Variants in NCDN observed in about 807,000 individuals in gnomAD.
The protein encoded by NCDN is norbin.
Under a neutral mutation model 60.7 loss-of-function variants are expected in NCDN, and 9 were observed. The ratio of observed to expected loss-of-function variants is 0.15; its 90% CI spans 0.09 to 0.26. NCDN has a LOEUF of 0.26. Ranked by LOEUF, NCDN falls within the 10% of genes least tolerant of loss-of-function variation. The probability of loss-of-function intolerance (pLI) is 1.00; values close to 1 mark genes in which losing one functional copy is unlikely to be tolerated. For missense variants in NCDN, 578 were observed against 975.2 expected, an observed-to-expected ratio of 0.59 and a Z score of 5.42; for synonymous variants, 409 against 442.5, an observed-to-expected ratio of 0.92 and a Z score of 0.95.
chr1:35,561,276 T>C lies in NCDN; in HGVS notation c.1125T>C (p.Val375=), dbSNP rs1235163809. The C allele has an allele frequency of 3.1e-6, 5 of 1,596,992 alleles. No individual in the cohort carries two copies. Among genetic ancestry groups the C allele is most frequent in the Non-Finnish European group, 4.3e-6 (5 of 1,173,848 alleles). ...VSVMKEAIGA[V]IHYLLQVGSE... Reference sequence around the variant, plus strand: ...TCATGAAGGAGGCCATAGGGGCTGTTATCCACTACCTGCTGCAGGTGAGGG... The same window carrying C: ...TCATGAAGGAGGCCATAGGGGCTGTCATCCACTACCTGCTGCAGGTGAGGG... The change falls in exon 3 of 7, where the codon GTT becomes GTC. Residue 375 remains valine (V), a synonymous_variant. Coordinates refer to ENST00000373243, the MANE Select transcript of NCDN (RefSeq NM_014284.3). This position sits in a 1 kb window ranked among gnomAD's most constrained non-coding sequence, Gnocchi z 4.9.
In NCDN at chr1:35,563,578, C is replaced by T. The variant is rs906704794; in HGVS notation, c.1610+152C>T. 7 of 1,054,516 alleles carry T rather than the reference C, an allele frequency of 6.6e-6. No individual in the cohort carries two copies. In the Admixed American group the frequency reaches 1.2e-4, roughly 17 times the overall value. 65.3% of individuals were successfully genotyped at this position (1,054,516 alleles called of 1,614,324 possible). A position where few individuals can be genotyped will look rare whatever the true frequency, so the allele number is the denominator to read the frequency against. ...CTCAGAGTAGACATAGCCAGCCCCG[C>T]ACAAGGATTCGGCATGCTGGAACCC... On this transcript the variant is annotated intron_variant, in intron 5 of 6. Transcript: ENST00000373243. The surrounding 1 kb of genome is among the most constrained non-coding windows in gnomAD (Gnocchi z 6.6).
In NCDN at chr1:35,563,628, C is replaced by G; in HGVS notation, c.1611-139C>G. The G allele has an allele frequency of 8.8e-7, 1 of 1,138,800 alleles. No homozygotes were observed. Among genetic ancestry groups the G allele is most frequent in the Non-Finnish European group, 1.3e-6 (1 of 791,574 alleles). The allele number at this position is 1,138,800 out of a possible 1,614,324, so 70.5% of individuals were successfully genotyped here. A position where few individuals can be genotyped will look rare whatever the true frequency, so the allele number is the denominator to read the frequency against. On this transcript the variant is annotated intron_variant, in intron 5 of 6. Coordinates refer to ENST00000373243, the MANE Select transcript of NCDN (RefSeq NM_014284.3). The surrounding 1 kb of genome is among the most constrained non-coding windows in gnomAD (Gnocchi z 6.6). ...CCCAGGTACTGTCTCAGCATGTCTG[C>G]TTGTTCCAATCTCTGCCCCCCAGAT...
Position 35,560,908 on chromosome 1 carries a change from G to C in NCDN, c.757G>C (p.Val253Leu), listed in dbSNP as rs138767615. Reference sequence around the variant, plus strand: ...GCCCCTCTTTTTGCCCCCGACAACCGTGCCCCCTGAATGCTACCGGGATCT... The same window carrying C: ...GCCCCTCTTTTTGCCCCCGACAACCCTGCCCCCTGAATGCTACCGGGATCT... The part of the protein sequence containing the change: ...LLPLFLPPTT[V>L]PPECYRDLQA... The change falls in exon 3 of 7, where the codon GTG becomes CTG. Residue 253 changes from valine (V) to leucine (L), a missense_variant. Around this residue, in one of 3 missense-constraint regions of NCDN, gnomAD observed 363 missense variants for 583.6 expected, o/e 0.62. Coordinates refer to ENST00000373243, the MANE Select transcript of NCDN (RefSeq NM_014284.3). This position sits in a 1 kb window ranked among gnomAD's most constrained non-coding sequence, Gnocchi z 7.6. The C allele has an allele frequency of 7.5e-5, 121 of 1,614,016 alleles. No individual in the cohort carries two copies. Among genetic ancestry groups the C allele is most frequent in the Non-Finnish European group, 9.6e-5 (113 of 1,180,018 alleles).
chr1:35,558,987 A>C lies in NCDN; in HGVS notation c.34-120A>C. On this transcript the variant is annotated intron_variant, in intron 1 of 6. Coordinates refer to ENST00000373243, the MANE Select transcript of NCDN (RefSeq NM_014284.3). The surrounding 1 kb of genome is among the most constrained non-coding windows in gnomAD (Gnocchi z 6.3). ...TCAGTCCTGAGGAGTCCACCCCTCC[A>C]GATTCTCTCCTCCCCTCCCTCTGTG... 1.7e-4 allele frequency: 160 copies of C among 943,638 alleles called. No individual in the cohort carries two copies. The highest frequency in any genetic ancestry group is 6.7e-4 in the East Asian group (20 of 29,982). 58.5% of individuals were successfully genotyped at this position (943,638 alleles called of 1,614,324 possible). A position where few individuals can be genotyped will look rare whatever the true frequency, so the allele number is the denominator to read the frequency against.
rs1648690911 is a variant in NCDN, at chr1:35,561,127, G to C, written c.976G>C (p.Gly326Arg). The C allele has an allele frequency of 6.2e-7, 1 of 1,612,662 alleles. No homozygotes were observed. The highest frequency in any genetic ancestry group is 1.7e-5 in the Admixed American group (1 of 59,738). Residue 326 changes from glycine (G) to arginine (R), a missense_variant, in exon 3 of 7, where the codon GGC becomes CGC. Transcript: ENST00000373243. This position sits in a 1 kb window ranked among gnomAD's most constrained non-coding sequence, Gnocchi z 4.9. The stretch of plus-strand genomic sequence containing the variant: ...AGTGCGGCTGGCACTGGAGGAGACG[G>C]GCACGGAGGTGAAAGAGGATGTGGT... ...VEVRLALEET[G>R]TEVKEDVVTA...
In NCDN at chr1:35,565,205, C is replaced by A; in HGVS notation, c.1754-22C>A. 6.3e-7 allele frequency: 1 copy of A among 1,581,676 alleles called. No homozygotes were observed. On this transcript the variant is annotated intron_variant, in intron 6 of 6. Coordinates refer to ENST00000373243, the MANE Select transcript of NCDN (RefSeq NM_014284.3). This position sits in a 1 kb window ranked among gnomAD's most constrained non-coding sequence, Gnocchi z 8.9. ...CAGCTGGCCTGTCCGATTCATGCCC[C>A]ACTCCTTCCGTTACCTTGCAGCTCT...
rs1363495505 is a variant in NCDN at position 35,561,010 on chromosome 1, C to T, written c.859C>T (p.Arg287Cys). 6.8e-6 allele frequency: 11 copies of T among 1,612,584 alleles called. No individual in the cohort carries two copies. The highest frequency in any genetic ancestry group is 8.5e-6 in the Non-Finnish European group (10 of 1,179,158). ...CAACCCTGCACTGAAGCTGGCAGCCCGCCTGGCACACGCCTGCGGCTCCGA... is the reference window on the plus strand; with the variant it reads ...CAACCCTGCACTGAAGCTGGCAGCCTGCCTGGCACACGCCTGCGGCTCCGA... ...QRNPALKLAA[R>C]LAHACGSDWI... Residue 287 changes from arginine (R) to cysteine (C), a missense_variant, in exon 3 of 7, where the codon CGC (arginine) becomes TGC (cysteine). Around this residue, in one of 3 missense-constraint regions of NCDN, gnomAD observed 363 missense variants for 583.6 expected, o/e 0.62. Coordinates refer to ENST00000373243, the MANE Select transcript of NCDN (RefSeq NM_014284.3). The surrounding 1 kb of genome is among the most constrained non-coding windows in gnomAD (Gnocchi z 4.9).
chr1:35,565,070 TCA>T lies in NCDN; in HGVS notation c.1754-152_1754-151del. The T allele has an allele frequency of 1.4e-6, 1 of 696,666 alleles. No individual in the cohort carries two copies. Among genetic ancestry groups the T allele is most frequent in the Non-Finnish European group, 2.4e-6 (1 of 419,834 alleles). 43.2% of individuals were successfully genotyped at this position (696,666 alleles called of 1,614,324 possible). On this transcript the variant is annotated intron_variant, in intron 6 of 6. Transcript: ENST00000373243. The surrounding 1 kb of genome is among the most constrained non-coding windows in gnomAD (Gnocchi z 8.9). ...ACCCAGAAAAGTTAATTACCCAAGG[TCA>T]CACAGTGAGCATCTAAGGCAGGGTT...
In NCDN at chr1:35,557,823, G is replaced by C. The variant is rs114784860; in HGVS notation, c.-368G>C. 0.047 allele frequency: 25,187 copies of C among 534,420 alleles called. 760 individuals carry two copies. The highest frequency in any genetic ancestry group is 0.06 in the Middle Eastern group (173 of 2,898). The allele number at this position is 534,420 out of a possible 1,614,324, so 33.1% of individuals were successfully genotyped here. A position where few individuals can be genotyped will look rare whatever the true frequency, so the allele number is the denominator to read the frequency against. ...GAGTGGGCAACGCGGCGTGAGCAGCGGCCCGAGGCTCCCGGAGCATCGCGC... is the reference window on the plus strand; with the variant it reads ...GAGTGGGCAACGCGGCGTGAGCAGCCGCCCGAGGCTCCCGGAGCATCGCGC... On this transcript the variant is annotated 5_prime_UTR_variant, in exon 1 of 7. Transcript: ENST00000373243.
rs1333502826 is a variant in NCDN, at chr1:35,561,264, C to A, written c.1113C>A (p.Ala371=). Residue 371 remains alanine (A), a synonymous_variant, in exon 3 of 7, where the codon GCC becomes GCA. Coordinates refer to ENST00000373243, the MANE Select transcript of NCDN (RefSeq NM_014284.3). This position sits in a 1 kb window ranked among gnomAD's most constrained non-coding sequence, Gnocchi z 4.9. Reference sequence around the variant, plus strand: ...AGCTCGTGAGCGTCATGAAGGAGGCCATAGGGGCTGTTATCCACTACCTGC... The same window carrying A: ...AGCTCGTGAGCGTCATGAAGGAGGCAATAGGGGCTGTTATCCACTACCTGC... ...KVQLVSVMKE[A]IGAVIHYLLQ... The A allele has an allele frequency of 2.5e-6, 4 of 1,604,564 alleles. No individual in the cohort carries two copies. The highest frequency in any genetic ancestry group is 2.5e-6 in the Non-Finnish European group (3 of 1,177,320).
Position 35,558,364 on chromosome 1 carries a change from C to T in NCDN, c.33+141C>T. The T allele has an allele frequency of 6.5e-7, 1 of 1,531,032 alleles. No individual in the cohort carries two copies. Among genetic ancestry groups the T allele is most frequent in the Admixed American group, 1.9e-5 (1 of 52,324 alleles). 94.8% of individuals were successfully genotyped at this position (1,531,032 alleles called of 1,614,324 possible). A position where few individuals can be genotyped will look rare whatever the true frequency, so the allele number is the denominator to read the frequency against. ...TGCTTCTCCAGCCCCTGCCGGCATCCACAGGCTGGTAGCGGGACGGGGAGG... is the reference window on the plus strand; with the variant it reads ...TGCTTCTCCAGCCCCTGCCGGCATCTACAGGCTGGTAGCGGGACGGGGAGG... On this transcript the variant is annotated intron_variant, in intron 1 of 6. Transcript: ENST00000373243. This position sits in a 1 kb window ranked among gnomAD's most constrained non-coding sequence, Gnocchi z 6.3.
In NCDN at chr1:35,562,461, G is replaced by A. The variant is rs1223558987; in HGVS notation, c.1213G>A (p.Glu405Lys). 5.0e-6 allele frequency: 8 copies of A among 1,614,126 alleles called. No homozygotes were observed. The highest frequency in any genetic ancestry group is 6.8e-6 in the Non-Finnish European group (8 of 1,180,008). ...SVRILGAWLA[E>K]ETSSLRKEVC... ...GCGGATCCTGGGTGCCTGGCTGGCC[G>A]AGGAGACCTCATCCTTGCGTAAGGA... Residue 405 changes from glutamate (E) to lysine (K), a missense_variant, in exon 4 of 7, where the codon GAG becomes AAG. Transcript: ENST00000373243. This position sits in a 1 kb window ranked among gnomAD's most constrained non-coding sequence, Gnocchi z 6.8.
In NCDN at chr1:35,558,470, G is replaced by A; in HGVS notation, c.33+247G>A. ...GCTGCTGCAGCCTCTACCCGAGGGA[G>A]GGAAAGGAGAGGAGGCAAGGAGCCT... On this transcript the variant is annotated intron_variant, in intron 1 of 6. Coordinates refer to ENST00000373243, the MANE Select transcript of NCDN (RefSeq NM_014284.3). This position sits in a 1 kb window ranked among gnomAD's most constrained non-coding sequence, Gnocchi z 6.3. 1 of 1,419,062 alleles carries A rather than the reference G, an allele frequency of 7.0e-7. No individual in the cohort carries two copies. Among genetic ancestry groups the A allele is most frequent in the Non-Finnish European group, 9.2e-7 (1 of 1,090,234 alleles). The allele number at this position is 1,419,062 out of a possible 1,614,324, so 87.9% of individuals were successfully genotyped here.
rs1648501356 is a variant in NCDN, at chr1:35,558,475, AG to A, written c.33+254del. Reference sequence around the variant, plus strand: ...TGCAGCCTCTACCCGAGGGAGGGAAAGGAGAGGAGGCAAGGAGCCTGCGGGG... The same window carrying A: ...TGCAGCCTCTACCCGAGGGAGGGAAAGAGAGGAGGCAAGGAGCCTGCGGGG... On this transcript the variant is annotated intron_variant, in intron 1 of 6. Transcript: ENST00000373243. The surrounding 1 kb of genome is among the most constrained non-coding windows in gnomAD (Gnocchi z 6.3). 1 of 1,412,828 alleles carries A rather than the reference AG, an allele frequency of 7.1e-7. No individual in the cohort carries two copies. The highest frequency in any genetic ancestry group is 2.9e-5 in the Admixed American group (1 of 34,072). The allele number at this position is 1,412,828 out of a possible 1,614,324, so 87.5% of individuals were successfully genotyped here.
chr1:35,562,349 G>T lies in NCDN; in HGVS notation c.1144-43G>T. The T allele has an allele frequency of 2.5e-6, 4 of 1,597,828 alleles. No homozygotes were observed. The highest frequency in any genetic ancestry group is 3.4e-6 in the Non-Finnish European group (4 of 1,169,998). On this transcript the variant is annotated intron_variant, in intron 3 of 6. Coordinates refer to ENST00000373243, the MANE Select transcript of NCDN (RefSeq NM_014284.3). This position sits in a 1 kb window ranked among gnomAD's most constrained non-coding sequence, Gnocchi z 6.8. ...GCTGGCCTCTGGCAAGGCAGGGAGG[G>T]TCCCTGGTCCTGCTCCATCTCAAGG...
At chr1:35,564,470 T>C (rs1006948288) in intron 6 of NCDN, among the ~76,000 whole-genome samples, 12 of 152,246 alleles carry the variant, frequency 7.9e-5, no homozygotes, top group African/African-American at 2.7e-4. Context: ...TGTCCCTGCC[T>C]GTTCCCTGTG....
chr1:35,563,087 G>A lies in NCDN; in HGVS notation c.1386-115G>A, dbSNP rs1317202075. 2 of 974,040 alleles carry A rather than the reference G, an allele frequency of 2.1e-6. No individual in the cohort carries two copies. Among genetic ancestry groups the A allele is most frequent in the Non-Finnish European group, 1.5e-6 (1 of 674,192 alleles). The allele number at this position is 974,040 out of a possible 1,614,324, so 60.3% of individuals were successfully genotyped here. A position where few individuals can be genotyped will look rare whatever the true frequency, so the allele number is the denominator to read the frequency against. The stretch of plus-strand genomic sequence containing the variant: ...TGTACTTTTTCTGTGGTACCTGCGA[G>A]GATGTGTCCTTCTCCCCTACTTCCA... On this transcript the variant is annotated intron_variant, in intron 4 of 6. Coordinates refer to ENST00000373243, the MANE Select transcript of NCDN (RefSeq NM_014284.3). The surrounding 1 kb of genome is among the most constrained non-coding windows in gnomAD (Gnocchi z 6.6).
intron 6 of NCDN, among the ~76,000 whole-genome samples, chr1:35,564,686 C>A (rs116943628): frequency 6.6e-6 from 1 of 152,204 alleles, no homozygotes; most frequent in African/African-American, 2.4e-5. Context: ...TTTCATGGTC[C>A]CAGTTCTGGC....
Position 35,565,355 on chromosome 1 carries a change from G to T in NCDN, c.1882G>T (p.Gly628Cys). ...AVLALSPEYE[G>C]IWADLQELWF... ...GCTAGCCCTGTCCCCTGAGTATGAG[G>T]GCATCTGGGCCGACCTGCAGGAGCT... Residue 628 changes from glycine to cysteine, a missense_variant, in exon 7 of 7, where the codon GGC becomes TGC. By Grantham distance (159) the Gly-to-Cys change is radical (BLOSUM62 -3). Transcript: ENST00000373243. The surrounding 1 kb of genome is among the most constrained non-coding windows in gnomAD (Gnocchi z 8.9). 3 of 1,613,790 alleles carry T rather than the reference G, an allele frequency of 1.9e-6. No homozygotes were observed. Among genetic ancestry groups the T allele is most frequent in the Non-Finnish European group, 2.5e-6 (3 of 1,179,748 alleles).
Sources: gnomAD v4.1 joint callset for allele counts (sites outside exome capture counted in the v4.1 genomes callset) on GRCh38, gnomAD v4.1.1 for gene constraint, gnomAD v4.1.1 regional missense constraint, Gnocchi (gnomAD v3.1) non-coding constraint, MANE v1.5 for transcripts, NCBI Gene and HGNC (gene_info 2026-07-23, HGNC 2026-07-21) for gene names.